USP9X: variants seen among roughly 807,000 people sequenced by gnomAD.
USP9X encodes the protein ubiquitin carboxyl-terminal hydrolase 9X.
A neutral mutation model predicts 190.3 loss-of-function variants in USP9X; 7 were observed. The observed-to-expected ratio is 0.04, with a 90% CI of 0.02 to 0.07. The LOEUF is 0.07. Ranked by LOEUF, USP9X falls within the 10% of genes least tolerant of loss-of-function variation. The pLI is 1.00. For synonymous variants in USP9X, 645 were observed against 659.5 expected, an observed-to-expected ratio of 0.98 and a Z score of 0.34; for missense variants, 1,010 against 1,916.9, an observed-to-expected ratio of 0.53 and a Z score of 8.83.
chrX:41,130,440 G>GA (rs1430585932), intron 3 of USP9X, among the ~76,000 whole-genome samples: 3 of 108,352 alleles, frequency 2.8e-5, no homozygotes, highest in Admixed American at 2.0e-4. Flanking sequence ...TCAGGGGGGA[G>GA]AAAAATACAA....
At chrX:41,181,542 G>A (rs1346790143) in intron 21 of USP9X, among the ~76,000 whole-genome samples, 2 of 100,339 alleles carry the variant, frequency 2.0e-5, no homozygotes, top group African/African-American at 7.4e-5. Flanking sequence ...TGTGCCTTCT[G>A]GGTTCAAGTG....
At chrX:41,197,331 T>TGGGGGGGGGGGGGGGG in intron 28 of USP9X, 33 bp from the exon 29 acceptor site, 1 of 486,760 alleles carries the variant, frequency 2.1e-6, no homozygotes, top group Non-Finnish European at 2.9e-6. Flanking sequence ...TTTGATTTCT[T>TGGGGGGGGGGGGGGGG]CCCCCCCCCA....
rs769548208 is a variant in USP9X at position 41,229,238 on chromosome X, C to T, written c.7062-15C>T. 7.8e-6 allele frequency: 9 copies of T among 1,155,999 alleles called. No homozygotes were observed. The highest frequency in any genetic ancestry group is 3.1e-5 in the East Asian group (1 of 32,215). On this transcript the variant is annotated splice_polypyrimidine_tract_variant and intron_variant, in intron 41 of 44. Coordinates refer to ENST00000378308, the MANE Select transcript of USP9X (RefSeq NM_001039591.3). ...GATTTTAGATGTTTTTATTTTATAT[C>T]TGGTTCTCTTTCAGAATTCATAATG...
chrX:41,214,421 ATATG>A lies in USP9X; in HGVS notation c.5190-144_5190-141del, dbSNP rs755138959. The A allele has an allele frequency of 2.5e-5, 12 of 487,465 alleles. No individual in the cohort carries two copies. The East Asian group carries it at 5.7e-4, about 23-fold the overall frequency. 40.2% of individuals were successfully genotyped at this position (487,465 alleles called of 1,213,427 possible). A position where few individuals can be genotyped will look rare whatever the true frequency, so the allele number is the denominator to read the frequency against. ...GCAAACCAACATGGCACATGTATAC[ATATG>A]TAACAAACCTGCACGTTGTGGACAT... On this transcript the variant is annotated intron_variant, in intron 33 of 44. Transcript: ENST00000378308.
At chrX:41,173,575 A>G (rs147253816) in intron 21 of USP9X, among the ~76,000 whole-genome samples, 136 of 111,951 alleles carry the variant, frequency 1.2e-3, no homozygotes, top group South Asian at 2.2e-3. Flanking sequence ...TGTCTGTATA[A>G]GCAAAATTAA....
At chrX:41,099,692 G>A (rs1404649021) in intron 1 of USP9X, among the ~76,000 whole-genome samples, 1 of 111,754 alleles carries the variant, frequency 8.9e-6, no homozygotes, top group African/African-American at 3.3e-5. Context: ...TTTCTGAAAT[G>A]AGGCTTTTAA....
intron 1 of USP9X, among the ~76,000 whole-genome samples, chrX:41,093,018 C>G (rs1050950610): frequency 1.8e-5 from 2 of 110,929 alleles, no homozygotes; most frequent in African/African-American, 6.6e-5. Flanking sequence ...GACCACAGGC[C>G]GACATCACCT....
At chrX:41,088,069 C>T (rs1430669906) in intron 1 of USP9X, among the ~76,000 whole-genome samples, 2 of 111,843 alleles carry the variant, frequency 1.8e-5, no homozygotes, top group African/African-American at 3.3e-5. Flanking sequence ...CTGCAACGTC[C>T]ACCTCCCGGG....
chrX:41,224,281 G>T (rs2063292413), intron 39 of USP9X, among the ~76,000 whole-genome samples: 1 of 110,839 alleles, frequency 9.0e-6, no homozygotes, highest in South Asian at 3.8e-4. Context: ...TCATTATAAT[G>T]CATAATGTTA....
intron 15 of USP9X, among the ~76,000 whole-genome samples, chrX:41,165,363 C>G (rs922863820): frequency 1.8e-5 from 2 of 111,739 alleles, no homozygotes; most frequent in African/African-American, 6.5e-5. Flanking sequence ...GTAGCTGGGA[C>G]TACAGACATG....
chrX:41,208,677 ATTTTT>A (rs376230706), intron 32 of USP9X, among the ~76,000 whole-genome samples: 81 of 105,417 alleles, frequency 7.7e-4, no homozygotes, highest in African/African-American at 2.7e-3. Flanking sequence ...TTTTTGGTTT[ATTTTT>A]TTTTTAAGTT....
intron 25 of USP9X, among the ~76,000 whole-genome samples, chrX:41,188,788 T>A (rs1237128978): frequency 8.9e-6 from 1 of 112,218 alleles, no homozygotes; most frequent in East Asian, 2.8e-4. Flanking sequence ...GAATACTTAT[T>A]CTGTTTCAGG....
At chrX:41,166,309 T>C (rs2062678019) in intron 16 of USP9X, 95 bp downstream of exon 16, 1 of 666,129 alleles carries the variant, frequency 1.5e-6, no homozygotes, top group Non-Finnish European at 2.1e-6. Context: ...TGTATTTTAC[T>C]CTGATGTTTG....
Position 41,186,627 on chromosome X carries a change from G to A in USP9X, c.3669G>A (p.Gln1223=). Residue 1223 remains glutamine (Q), a synonymous_variant, in exon 24 of 45, where the codon CAG becomes CAA. Transcript: ENST00000378308. The stretch of plus-strand genomic sequence containing the variant: ...GAAATGTGTCAGTTCGTCTTGCTCA[G>A]CAGATATCTGATGAGGTTAGTTTTA... The part of the protein sequence containing the change: ...MLRNVSVRLA[Q]QISDEASRYM... 8.3e-7 allele frequency: 1 copy of A among 1,210,452 alleles called. No homozygotes were observed. The highest frequency in any genetic ancestry group is 1.1e-6 in the Non-Finnish European group (1 of 894,799).
intron 6 of USP9X, among the ~76,000 whole-genome samples, chrX:41,137,556 T>G (rs943154832): frequency 9.0e-6 from 1 of 111,324 alleles, no homozygotes; most frequent in Non-Finnish European, 1.9e-5. Flanking sequence ...AAACGCTGCT[T>G]CTTTTAATAA....
intron 1 of USP9X, among the ~76,000 whole-genome samples, chrX:41,095,662 T>G (rs1301882363): frequency 1.8e-5 from 2 of 111,941 alleles, no homozygotes; most frequent in Non-Finnish European, 3.8e-5. Flanking sequence ...AAAGGTAGTT[T>G]GAGTGAAGCT....
At chrX:41,163,853 A>G (rs1286942695) in intron 15 of USP9X, among the ~76,000 whole-genome samples, 3 of 110,256 alleles carry the variant, frequency 2.7e-5, no homozygotes, top group Non-Finnish European at 3.8e-5. Context: ...CCAGATTATC[A>G]CTGCTTCTTG....
chrX:41,186,416 G>A, intron 23 of USP9X, 101 bp from the exon 24 acceptor site: 1 of 975,458 alleles, frequency 1.0e-6, no homozygotes, highest in Non-Finnish European at 1.4e-6. Flanking sequence ...GTATATGCAA[G>A]GAAGTCGTTC....
intron 32 of USP9X, among the ~76,000 whole-genome samples, chrX:41,207,498 CTTTTT>C (rs751097394): frequency 2.1e-3 from 230 of 111,944 alleles, no homozygotes; most frequent in Admixed American, 6.5e-3. Flanking sequence ...TCACCATTTT[CTTTTT>C]AAGTTAGAAA....
Sources: gnomAD v4.1 joint callset for allele counts (sites outside exome capture counted in the v4.1 genomes callset) on GRCh38, gnomAD v4.1.1 for gene constraint, MANE v1.5 for transcripts, NCBI Gene and HGNC (gene_info 2026-07-23, HGNC 2026-07-21) for gene names.